TSNAX: variants seen among roughly 807,000 people sequenced by gnomAD.
TSNAX encodes translin associated factor X.
A neutral mutation model predicts 33.0 loss-of-function variants in TSNAX; 12 were observed. The ratio of observed to expected loss-of-function variants is 0.36; its 90% CI spans 0.23 to 0.59. TSNAX has a LOEUF of 0.59. Ranked by LOEUF, TSNAX falls within the 20% of genes least tolerant of loss-of-function variation. The probability of loss-of-function intolerance (pLI) is 0.74; values close to 1 mark genes in which losing one functional copy is unlikely to be tolerated. For synonymous variants in TSNAX, 110 were observed against 117.2 expected (o/e 0.94, Z 0.40); for missense variants, 267 against 341.3 (o/e 0.78, Z 1.72).
At chr1:231,537,014 G>T in intron 2 of TSNAX, 199 bp from the exon 3 acceptor site, 2 of 338,480 alleles carry the variant, frequency 5.9e-6, no homozygotes, top group Non-Finnish European at 1.1e-5. Context: ...TTTATTTTTA[G>T]TAGAGACGGG....
intron 4 of TSNAX, among the ~76,000 whole-genome samples, chr1:231,547,628 T>C (rs1660015823): frequency 6.6e-6 from 1 of 151,986 alleles, no homozygotes; most frequent in African/African-American, 2.4e-5. Flanking sequence ...TGACCTCAAC[T>C]GATCCACCCA....
At position 231,565,716 on chromosome 1, in the gene TSNAX, T is replaced by TC. The variant is rs1456257332; in HGVS notation, c.*813dup. The TC allele has an allele frequency of 9.9e-5, 15 of 152,126 alleles. No individual in the cohort carries two copies. The highest frequency in any genetic ancestry group is 5.2e-4 in the Admixed American group (8 of 15,258). 9.4% of individuals were successfully genotyped at this position (152,126 alleles called of 1,614,324 possible). Reference sequence around the variant, plus strand: ...TCCAGCCTGGGTAACAGAGCAAGACTCCATCTCAAAAAAAGAAAGAAAGAA... The same window carrying TC: ...TCCAGCCTGGGTAACAGAGCAAGACTCCCATCTCAAAAAAAGAAAGAAAGAA... On this transcript the variant is annotated 3_prime_UTR_variant, in exon 6 of 6. Transcript: ENST00000366639.
intron 3 of TSNAX, among the ~76,000 whole-genome samples, chr1:231,538,987 A>C (rs1659375333): frequency 6.6e-6 from 1 of 151,904 alleles, no homozygotes; most frequent in Admixed American, 6.6e-5. Flanking sequence ...TGAAACTTTT[A>C]AGATAATTCT....
intron 4 of TSNAX, among the ~76,000 whole-genome samples, chr1:231,549,529 T>C (rs1485448186): frequency 2.0e-5 from 3 of 152,224 alleles, no homozygotes; most frequent in Non-Finnish European, 2.9e-5. Context: ...AAAGTTTACC[T>C]GAGCAATAAA....
chr1:231,546,767 C>T (rs1472453348), intron 4 of TSNAX, among the ~76,000 whole-genome samples: 4 of 152,238 alleles, frequency 2.6e-5, no homozygotes, highest in Admixed American at 6.5e-5. Context: ...TGTGCTCTGC[C>T]CACTTAGTTA....
chr1:231,551,798 TA>T (rs750366346), intron 4 of TSNAX, among the ~76,000 whole-genome samples: 1,055 of 77,700 alleles, frequency 0.014, 7 homozygotes, highest in African/African-American at 0.026. Context: ...TACAAAAAAG[TA>T]AAAAAAAAAA....
At chr1:231,553,659 A>G (rs186596491) in intron 4 of TSNAX, among the ~76,000 whole-genome samples, 15 of 149,576 alleles carry the variant, frequency 1.0e-4, no homozygotes, top group Admixed American at 8.0e-4. Context: ...ACATTATAGC[A>G]TGAAACCTAA....
At position 231,566,025 on chromosome 1, in the gene TSNAX, T is replaced by G. The variant is rs1420634895; in HGVS notation, c.*1120T>G. The G allele has an allele frequency of 1.3e-5, 2 of 152,186 alleles. No homozygotes were observed. Among genetic ancestry groups the G allele is most frequent in the African/African-American group, 4.8e-5 (2 of 41,460 alleles). 9.4% of individuals were successfully genotyped at this position (152,186 alleles called of 1,614,324 possible). A position where few individuals can be genotyped will look rare whatever the true frequency, so the allele number is the denominator to read the frequency against. On this transcript the variant is annotated 3_prime_UTR_variant, in exon 6 of 6. Coordinates refer to ENST00000366639, the MANE Select transcript of TSNAX (RefSeq NM_005999.3). The stretch of plus-strand genomic sequence containing the variant: ...TTAGCAATTTTTGTTTTTGTTATAT[T>G]AGGCATGTTTGGAGGCTTTCCTATT...
chr1:231,531,858 G>A (rs1658739604), intron 2 of TSNAX, among the ~76,000 whole-genome samples: 1 of 152,038 alleles, frequency 6.6e-6, no homozygotes, highest in South Asian at 2.1e-4. Context: ...AATTCAGGAA[G>A]TTTATACTTG....
chr1:231,540,240 CTG>C (rs1280890326), intron 3 of TSNAX, among the ~76,000 whole-genome samples: 3 of 141,982 alleles, frequency 2.1e-5, no homozygotes, highest in South Asian at 4.5e-4. Context: ...AGCTGAAAAA[CTG>C]TTGTGAGAGG....
chr1:231,559,070 G>T (rs1660870912), intron 4 of TSNAX, among the ~76,000 whole-genome samples: 1 of 152,182 alleles, frequency 6.6e-6, no homozygotes, highest in Non-Finnish European at 1.5e-5. Flanking sequence ...TACCAGAAGT[G>T]TAGTGGCAGG....
chr1:231,559,980 TTATTA>T (rs1262302590), intron 4 of TSNAX, among the ~76,000 whole-genome samples: 93 of 148,430 alleles, frequency 6.3e-4, no homozygotes, highest in African/African-American at 2.3e-3. Flanking sequence ...ATTATTATTA[TTATTA>T]TTTTTTTTTT....
At chr1:231,550,811 C>T (rs1264556507) in intron 4 of TSNAX, among the ~76,000 whole-genome samples, 1 of 152,166 alleles carries the variant, frequency 6.6e-6, no homozygotes. Flanking sequence ...TGTGAATCCC[C>T]TACATTGGCA....
At chr1:231,548,329 C>T (rs1293786915) in intron 4 of TSNAX, among the ~76,000 whole-genome samples, 3 of 152,152 alleles carry the variant, frequency 2.0e-5, no homozygotes, top group Admixed American at 1.3e-4. Context: ...AAAATTGGAG[C>T]ACAGTAAAAT....
intron 3 of TSNAX, among the ~76,000 whole-genome samples, chr1:231,540,127 T>C (rs1448442972): frequency 6.8e-6 from 1 of 146,992 alleles, no homozygotes; most frequent in Non-Finnish European, 1.5e-5. Context: ...GAACTCAGAA[T>C]TGTGCCACTG....
chr1:231,562,381 A>G (rs1182667091), intron 5 of TSNAX, among the ~76,000 whole-genome samples: 7 of 152,028 alleles, frequency 4.6e-5, no homozygotes, highest in Admixed American at 1.3e-4. Flanking sequence ...CATGACAGGT[A>G]TAACTTACTT....
At position 231,550,162 on chromosome 1, in the gene TSNAX, ATTCTC is replaced by A. The variant is rs770651424; in HGVS notation, c.367+7552_367+7556del. Among the ~76,000 whole-genome samples, 334 of 152,316 alleles carry A rather than the reference ATTCTC, an allele frequency of 2.2e-3. 1 individual carries two copies. Among genetic ancestry groups the A allele is most frequent in the Non-Finnish European group, 3.0e-3 (205 of 68,022 alleles). On this transcript the variant is annotated intron_variant, in intron 4 of 5. Transcript: ENST00000366639. ...AGACCTTGTCTGCAAATACACTCAC[ATTCTC>A]AGGTACTAGAGGTTAGGGCTTCAAC...
intron 4 of TSNAX, among the ~76,000 whole-genome samples, chr1:231,546,210 A>G (rs1190925842): frequency 6.6e-6 from 1 of 152,212 alleles, no homozygotes; most frequent in East Asian, 1.9e-4. Flanking sequence ...ACACCTAATA[A>G]GTCTCCCGAA....
chr1:231,557,256 G>T (rs920638989), intron 4 of TSNAX, among the ~76,000 whole-genome samples: 2 of 152,050 alleles, frequency 1.3e-5, no homozygotes, highest in African/African-American at 4.8e-5. Context: ...TGAACTGGAG[G>T]GAACCTAGGA....
Sources: allele counts gnomAD v4.1 joint callset (sites outside exome capture counted in the v4.1 genomes callset), GRCh38; gene constraint gnomAD v4.1.1; transcripts MANE v1.5; gene names NCBI Gene and HGNC (gene_info 2026-07-23, HGNC 2026-07-21).